DCC: variants seen among roughly 807,000 people sequenced by gnomAD.
DCC encodes netrin receptor DCC.
A neutral mutation model predicts 172.5 loss-of-function variants in DCC; 58 were observed. That is an observed-to-expected ratio of 0.34 (90% CI 0.27 to 0.42). The LOEUF (loss-of-function observed/expected upper bound fraction) is 0.42, where lower values mean the gene tolerates loss of function less well. DCC is among the 10% of genes least tolerant of loss of function. The probability of loss-of-function intolerance (pLI) is 1.00; values close to 1 mark genes in which losing one functional copy is unlikely to be tolerated. For synonymous variants in DCC, 709 were observed against 644.5 expected, an observed-to-expected ratio of 1.10 and a Z score of -1.52; for missense variants, 1,740 against 1,791.0, an observed-to-expected ratio of 0.97 and a Z score of 0.51.
At chr18:52,893,213 A>G (rs1040823052) in intron 2 of DCC, among the ~76,000 whole-genome samples, 2 of 152,226 alleles carry the variant, frequency 1.3e-5, no homozygotes, top group South Asian at 4.1e-4. Context: ...ACTCAGGCAC[A>G]TGTCTTTGGC....
chr18:52,386,104 C>T (rs117293607), intron 1 of DCC, among the ~76,000 whole-genome samples: 46 of 152,124 alleles, frequency 3.0e-4, no homozygotes, highest in Non-Finnish European at 5.4e-4. Context: ...CAATATTAGC[C>T]AACATTAATG....
At chr18:53,313,773 T>C (rs1478691029) in intron 13 of DCC, among the ~76,000 whole-genome samples, 1 of 152,214 alleles carries the variant, frequency 6.6e-6, no homozygotes, top group East Asian at 1.9e-4. Flanking sequence ...GCATAGGGCA[T>C]GTGGGCCTTT....
intron 1 of DCC, among the ~76,000 whole-genome samples, chr18:52,711,872 T>C (rs905599711): frequency 6.6e-6 from 1 of 152,220 alleles, no homozygotes; most frequent in African/African-American, 2.4e-5. Context: ...GACTTTTCTG[T>C]ATCTCCAACT....
chr18:52,837,788 C>T (rs910257537), intron 2 of DCC, among the ~76,000 whole-genome samples: 4 of 152,150 alleles, frequency 2.6e-5, no homozygotes, highest in Non-Finnish European at 5.9e-5. Context: ...CTGTATTAGT[C>T]CATTCTCATG....
intron 2 of DCC, among the ~76,000 whole-genome samples, chr18:52,896,911 T>G (rs1354033711): frequency 2.0e-5 from 3 of 152,100 alleles, no homozygotes; most frequent in African/African-American, 7.2e-5. Context: ...TTTATAAAAT[T>G]CATTCCCTCA....
At chr18:52,342,418 C>A (rs371221792) in intron 1 of DCC, among the ~76,000 whole-genome samples, 1 of 121,832 alleles carries the variant, frequency 8.2e-6, no homozygotes, top group East Asian at 2.7e-4. Context: ...TCTTCTCTCC[C>A]GGAGCTTTGT....
chr18:53,507,158 T>TTAAG (rs145757661), intron 27 of DCC, among the ~76,000 whole-genome samples: 8,008 of 152,210 alleles, frequency 0.053, 607 homozygotes, highest in African/African-American at 0.17. Context: ...GGTATACATT[T>TTAAG]TAAGTATTCT....
At chr18:52,491,366 T>C (rs2071918187) in intron 1 of DCC, among the ~76,000 whole-genome samples, 1 of 151,998 alleles carries the variant, frequency 6.6e-6, no homozygotes, top group South Asian at 2.1e-4. Flanking sequence ...GTATGATACA[T>C]AAAAGTAAAG....
chr18:52,652,739 TGG>T (rs1340129179), intron 1 of DCC, among the ~76,000 whole-genome samples: 17 of 151,442 alleles, frequency 1.1e-4, no homozygotes, highest in African/African-American at 4.1e-4. Context: ...TGTGTGTGTG[TGG>T]GTGGAGGAGG....
intron 12 of DCC, among the ~76,000 whole-genome samples, chr18:53,278,916 G>C (rs998180963): frequency 6.6e-6 from 1 of 152,054 alleles, no homozygotes; most frequent in Non-Finnish European, 1.5e-5. Flanking sequence ...TAATCCTTTG[G>C]GTATATACCC....
chr18:52,410,675 T>C (rs960592312), intron 1 of DCC, among the ~76,000 whole-genome samples: 1 of 152,148 alleles, frequency 6.6e-6, no homozygotes, highest in South Asian at 2.1e-4. Flanking sequence ...AGCCTGTACT[T>C]CTACTGCTAA....
intron 12 of DCC, among the ~76,000 whole-genome samples, chr18:53,248,228 T>A (rs144816974): frequency 7.4e-4 from 112 of 152,136 alleles, no homozygotes; most frequent in African/African-American, 2.6e-3. Flanking sequence ...CATCTCTTTA[T>A]GTATATGTTG....
chr18:52,839,311 GTCA>G (rs1786131131), intron 2 of DCC, among the ~76,000 whole-genome samples: 1 of 152,272 alleles, frequency 6.6e-6, no homozygotes, highest in Non-Finnish European at 1.5e-5. Context: ...GCGTGCTGGA[GTCA>G]TCATTTATCA....
chr18:52,561,412 CAT>C (rs946256475), intron 1 of DCC, among the ~76,000 whole-genome samples: 4 of 151,180 alleles, frequency 2.6e-5, no homozygotes, highest in Non-Finnish European at 4.4e-5. Flanking sequence ...TAAATATATA[CAT>C]ATATATATGT....
intron 1 of DCC, among the ~76,000 whole-genome samples, chr18:52,708,900 T>C (rs1357088215): frequency 1.3e-5 from 2 of 152,200 alleles, no homozygotes; most frequent in African/African-American, 4.8e-5. Flanking sequence ...GAGCTCTTTC[T>C]GGTAGAATAA....
Position 53,386,045 on chromosome 18 carries a change from T to G in DCC, c.2362T>G (p.Ser788Ala). 1 of 1,602,300 alleles carries G rather than the reference T, an allele frequency of 6.2e-7. No homozygotes were observed. The highest frequency in any genetic ancestry group is 8.6e-7 in the Non-Finnish European group (1 of 1,169,312). Residue 788 changes from serine to alanine, a missense_variant and splice_region_variant, in exon 16 of 29, where the codon TCA (serine) becomes GCA (alanine). By Grantham distance (99) the Ser-to-Ala change is moderately conservative. This residue lies in a region of DCC where 1,732 missense variants were observed against 1,767.4 expected (regional missense o/e 0.98). Coordinates refer to ENST00000442544, the MANE Select transcript of DCC (RefSeq NM_005215.4). The stretch of plus-strand genomic sequence containing the variant: ...TATTGTTTCTGTTTTTTCTCCAGAG[T>G]CAAGTTCCCATTATGTAATCTCCCT... Reference protein sequence around the residue: ...QRYYSIERLESSSHYVISLKA... With the variant: ...QRYYSIERLEASSHYVISLKA...
intron 1 of DCC, among the ~76,000 whole-genome samples, chr18:52,678,034 A>C (rs1870580): frequency 0.24 from 36,704 of 152,070 alleles, 5,421 homozygotes; most frequent in South Asian, 0.4. Context: ...AGTGGGTATA[A>C]ACTACAAAGA....
chr18:52,811,617 A>G (rs1390880732), intron 2 of DCC, among the ~76,000 whole-genome samples: 2 of 152,234 alleles, frequency 1.3e-5, no homozygotes, highest in Non-Finnish European at 2.9e-5. Flanking sequence ...TTACAAAAGA[A>G]GTAAACAATT....
chr18:52,612,688 G>T (rs1469453054), intron 1 of DCC, among the ~76,000 whole-genome samples: 2 of 152,066 alleles, frequency 1.3e-5, no homozygotes, highest in Non-Finnish European at 2.9e-5. Context: ...AGCCTTGATG[G>T]TTGTTCCTCT....
Sources: allele counts gnomAD v4.1 joint callset (sites outside exome capture counted in the v4.1 genomes callset), GRCh38; gene constraint gnomAD v4.1.1; regional missense constraint gnomAD v4.1.1; transcripts MANE v1.5; gene names NCBI Gene and HGNC (gene_info 2026-07-23, HGNC 2026-07-21).